Variants in MBNL2 observed in about 807,000 individuals in gnomAD.
MBNL2 encodes the protein muscleblind-like protein 2.
Under a neutral mutation model 41.9 loss-of-function variants are expected in MBNL2, and 17 were observed. The ratio of observed to expected loss-of-function variants is 0.41; its 90% CI spans 0.28 to 0.61. MBNL2 has a LOEUF of 0.61. MBNL2 is among the 20% of genes least tolerant of loss of function. The probability of loss-of-function intolerance (pLI) is 0.35; values close to 1 mark genes in which losing one functional copy is unlikely to be tolerated. For missense variants in MBNL2, 336 were observed against 505.6 expected, an observed-to-expected ratio of 0.66 and a Z score of 3.22; for synonymous variants, 195 against 182.9, an observed-to-expected ratio of 1.07 and a Z score of -0.53.
At chr13:97,356,930 G>A (rs2063038706) in intron 6 of MBNL2, 81 bp downstream of exon 6, 1 of 829,524 alleles carries the variant, frequency 1.2e-6, no homozygotes, top group Non-Finnish European at 1.7e-6. Context: ...TAAAATACTG[G>A]TTGCAAACAA....
At position 97,311,929 on chromosome 13, in the gene MBNL2, G is replaced by C. The variant is rs143045171; in HGVS notation, c.175-22347G>C. Among the ~76,000 whole-genome samples the C allele has an allele frequency of 6.3e-3, 955 of 152,076 alleles. 3 individuals carry two copies. Among genetic ancestry groups the C allele is most frequent in the South Asian group, 0.018 (89 of 4,816 alleles). On this transcript the variant is annotated intron_variant, in intron 2 of 8. Coordinates refer to ENST00000679496, the MANE Select transcript of MBNL2 (RefSeq NM_001382683.1). ...ATTCCATTACAGATAGTCCTTTTTT[G>C]TGTTATTCTTGATCTTATTTTTTCT...
intron 1 of MBNL2, among the ~76,000 whole-genome samples, chr13:97,242,650 T>C (rs982060192): frequency 3.3e-5 from 5 of 152,190 alleles, no homozygotes; most frequent in African/African-American, 1.2e-4. Context: ...GGAGCATACA[T>C]TGCAGTTGAC....
chr13:97,294,751 T>C (rs930718667), intron 2 of MBNL2, among the ~76,000 whole-genome samples: 3 of 152,302 alleles, frequency 2.0e-5, no homozygotes, highest in African/African-American at 7.2e-5. Context: ...TCCCTGAAGG[T>C]CTTACTTAAA....
chr13:97,371,118 T>A (rs1244621205), intron 8 of MBNL2, among the ~76,000 whole-genome samples: 1 of 152,238 alleles, frequency 6.6e-6, no homozygotes, highest in Non-Finnish European at 1.5e-5. Context: ...GAACTTGAAT[T>A]ATTATAATAT....
intron 2 of MBNL2, among the ~76,000 whole-genome samples, chr13:97,330,288 G>T (rs2060322755): frequency 1.3e-5 from 2 of 152,182 alleles, no homozygotes; most frequent in Admixed American, 1.3e-4. Flanking sequence ...TCCCTGGTGT[G>T]AGCCCACCTT....
At chr13:97,298,607 C>A (rs1439866681) in intron 2 of MBNL2, among the ~76,000 whole-genome samples, 1 of 152,192 alleles carries the variant, frequency 6.6e-6, no homozygotes, top group Non-Finnish European at 1.5e-5. Context: ...TCTGTCTCAC[C>A]TTTTCTTTCT....
chr13:97,326,449 G>C (rs2059918073), intron 2 of MBNL2, among the ~76,000 whole-genome samples: 1 of 152,104 alleles, frequency 6.6e-6, no homozygotes, highest in Admixed American at 6.5e-5. Flanking sequence ...AAAATGTTGT[G>C]GTATTCACCA....
chr13:97,227,391 C>G (rs1018552853), intron 1 of MBNL2, among the ~76,000 whole-genome samples: 13 of 152,058 alleles, frequency 8.5e-5, no homozygotes, highest in African/African-American at 2.7e-4. Context: ...ATGCTGCGGC[C>G]GTTTGCAATC....
chr13:97,287,046 G>T lies in MBNL2; in HGVS notation c.174+10637G>T, dbSNP rs115847775. 4.3e-3 allele frequency among the ~76,000 whole-genome samples: 660 copies of T among 152,140 alleles called. 2 individuals carry two copies. Among genetic ancestry groups the T allele is most frequent in the African/African-American group, 0.015 (633 of 41,492 alleles). ...TAACTGTTCCAATAAAATTCAAATCGCTTTTCTGGCTGACTATTACTCAGT... is the reference window on the plus strand; with the variant it reads ...TAACTGTTCCAATAAAATTCAAATCTCTTTTCTGGCTGACTATTACTCAGT... On this transcript the variant is annotated intron_variant, in intron 2 of 8. Transcript: ENST00000679496.
At chr13:97,269,410 C>T (rs1029953458) in intron 1 of MBNL2, among the ~76,000 whole-genome samples, 1 of 152,132 alleles carries the variant, frequency 6.6e-6, no homozygotes. Context: ...AATTGTGGAA[C>T]GTCTGGAGGT....
chr13:97,209,677 ATG>A, the MBNL2 span, among the ~76,000 whole-genome samples: 1 of 152,204 alleles, frequency 6.6e-6, no homozygotes. Flanking sequence ...ACTATGAAAA[ATG>A]TGTACTCATT....
At position 97,232,667 on chromosome 13, in the gene MBNL2, A is replaced by T. The variant is rs528467837; in HGVS notation, c.-605+10136A>T. Among the ~76,000 whole-genome samples, 14 of 152,276 alleles carry T rather than the reference A, an allele frequency of 9.2e-5. No homozygotes were observed. In the East Asian group the frequency reaches 2.5e-3, roughly 27 times the overall value. On this transcript the variant is annotated intron_variant, in intron 1 of 8. Transcript: ENST00000679496. ...TTCCCCGACAGTTGTAAGTACTGTTAGTGGAGCTCACTAAATAGTTAAATA... is the reference window on the plus strand; with the variant it reads ...TTCCCCGACAGTTGTAAGTACTGTTTGTGGAGCTCACTAAATAGTTAAATA...
At chr13:97,370,908 A>G (rs1284716951) in intron 8 of MBNL2, among the ~76,000 whole-genome samples, 1 of 152,070 alleles carries the variant, frequency 6.6e-6, no homozygotes, top group Non-Finnish European at 1.5e-5. Flanking sequence ...GTTGGGGGGG[A>G]AATGATAGGT....
At chr13:97,319,762 G>C (rs2059350392) in intron 2 of MBNL2, among the ~76,000 whole-genome samples, 1 of 152,094 alleles carries the variant, frequency 6.6e-6, no homozygotes, top group South Asian at 2.1e-4. Flanking sequence ...TTTGAAAATG[G>C]ATCTTCAGAG....
rs2061574534 is a variant in MBNL2 at position 97,343,289 on chromosome 13, A to G, written c.540+73A>G. 2.6e-6 allele frequency: 3 copies of G among 1,144,762 alleles called. No homozygotes were observed. In the African/African-American group the frequency reaches 4.6e-5, roughly 18 times the overall value. 70.9% of individuals were successfully genotyped at this position (1,144,762 alleles called of 1,614,324 possible). ...TACTTCTGTGTAAGTGATTGCTTGT[A>G]AGATATTAATTCAGTCTTGCAAAAC... On this transcript the variant is annotated intron_variant, in intron 4 of 8. Transcript: ENST00000679496.
chr13:97,368,151 T>C (rs1324255780), intron 8 of MBNL2, among the ~76,000 whole-genome samples: 2 of 152,176 alleles, frequency 1.3e-5, no homozygotes, highest in East Asian at 3.8e-4. Flanking sequence ...GCCTCATGCT[T>C]GTAATCCCAG....
At chr13:97,347,438 C>A (rs117792146) in intron 5 of MBNL2, among the ~76,000 whole-genome samples, 2,130 of 152,306 alleles carry the variant, frequency 0.014, 20 homozygotes, top group Non-Finnish European at 0.025. Context: ...AGGTGCATTT[C>A]TGCACCTGAG....
chr13:97,352,522 G>C (rs745401327), intron 5 of MBNL2, among the ~76,000 whole-genome samples: 4 of 152,086 alleles, frequency 2.6e-5, no homozygotes, highest in Non-Finnish European at 5.9e-5. Context: ...TTAAGTTTGT[G>C]GCATGGTTCA....
At chr13:97,379,249 C>A (rs2065220122) in intron 8 of MBNL2, among the ~76,000 whole-genome samples, 1 of 152,102 alleles carries the variant, frequency 6.6e-6, no homozygotes, top group South Asian at 2.1e-4. Flanking sequence ...GCAAGAGAAT[C>A]CAAATTTCAG....
Sources: gnomAD v4.1 joint callset for allele counts (sites outside exome capture counted in the v4.1 genomes callset) on GRCh38, gnomAD v4.1.1 for gene constraint, MANE v1.5 for transcripts, NCBI Gene and HGNC (gene_info 2026-07-23, HGNC 2026-07-21) for gene names.